Variants in CAMKMT observed in about 807,000 individuals in gnomAD.
CAMKMT encodes the protein CaM KMT.
In CAMKMT, 53 loss-of-function variants were observed where a neutral mutation model predicts 48.0. That is an observed-to-expected ratio of 1.10 (90% CI 0.89 to 1.39). The LOEUF is 1.39. Among genes scored for constraint, CAMKMT ranks in the 40% most tolerant of loss-of-function variants. The pLI is 0.00. For missense variants in CAMKMT, 428 were observed against 402.7 expected, an observed-to-expected ratio of 1.06 and a Z score of -0.54; for synonymous variants, 165 against 152.3, an observed-to-expected ratio of 1.08 and a Z score of -0.61.
intron 3 of CAMKMT, among the ~76,000 whole-genome samples, chr2:44,537,232 CT>C (rs1291273064): frequency 4.6e-5 from 7 of 152,114 alleles, no homozygotes; most frequent in Non-Finnish European, 5.9e-5. Flanking sequence ...GCATAACCTT[CT>C]GAATAGGAGA....
chr2:44,683,822 CAAAAAA>C (rs10644183), intron 3 of CAMKMT, among the ~76,000 whole-genome samples: 18 of 70,936 alleles, frequency 2.5e-4, no homozygotes, highest in Non-Finnish European at 3.8e-4. Flanking sequence ...GACTCTGTCT[CAAAAAA>C]AAAAAAAAAA....
chr2:44,731,259 T>C (rs1309563572), intron 7 of CAMKMT, among the ~76,000 whole-genome samples: 1 of 152,142 alleles, frequency 6.6e-6, no homozygotes, highest in Non-Finnish European at 1.5e-5. Flanking sequence ...GAGAATTGCT[T>C]GAACCCAGGG....
At chr2:44,765,859 G>A (rs2104405517) in intron 9 of CAMKMT, among the ~76,000 whole-genome samples, 1 of 152,296 alleles carries the variant, frequency 6.6e-6, no homozygotes. Flanking sequence ...CCAAGATCCT[G>A]GAGCCTGTAT....
intron 3 of CAMKMT, among the ~76,000 whole-genome samples, chr2:44,503,987 G>GAGAGAA (rs1670132871): frequency 6.6e-6 from 1 of 150,446 alleles, no homozygotes; most frequent in Non-Finnish European, 1.5e-5. Flanking sequence ...CGGGTGGGGA[G>GAGAGAA]AGAGAGAGAG....
intron 3 of CAMKMT, among the ~76,000 whole-genome samples, chr2:44,687,707 T>G (rs556585488): frequency 3.9e-5 from 6 of 152,376 alleles, no homozygotes; most frequent in Non-Finnish European, 8.8e-5. Flanking sequence ...AAACCAGGGA[T>G]TGGTTTTGAG....
intron 3 of CAMKMT, among the ~76,000 whole-genome samples, chr2:44,577,390 A>C (rs751170689): frequency 2.6e-5 from 4 of 152,174 alleles, no homozygotes; most frequent in Non-Finnish European, 4.4e-5. Context: ...AGGCCAAGGC[A>C]GGAAGATCGT....
chr2:44,714,457 AGAC>A (rs1471152817), intron 6 of CAMKMT, among the ~76,000 whole-genome samples: 2 of 152,192 alleles, frequency 1.3e-5, no homozygotes, highest in Non-Finnish European at 2.9e-5. Context: ...AAGTCTGTAA[AGAC>A]AGTTCTTCAG....
chr2:44,546,511 TA>T (rs1667419708), intron 3 of CAMKMT, among the ~76,000 whole-genome samples: 1 of 152,230 alleles, frequency 6.6e-6, no homozygotes, highest in South Asian at 2.1e-4. Flanking sequence ...TGACATTTGC[TA>T]ATGCTATTCC....
intron 9 of CAMKMT, among the ~76,000 whole-genome samples, chr2:44,765,168 C>T (rs1680784889): frequency 6.6e-6 from 1 of 151,964 alleles, no homozygotes; most frequent in African/African-American, 2.4e-5. Context: ...GCAGAGGTTC[C>T]AGTGAACCGA....
At chr2:44,701,259 G>A (rs984523689) in intron 3 of CAMKMT, among the ~76,000 whole-genome samples, 8 of 152,166 alleles carry the variant, frequency 5.3e-5, no homozygotes, top group African/African-American at 1.9e-4. Context: ...GTGCATCAGG[G>A]TTCCAATTTC....
At chr2:44,702,772 G>A (rs969421605) in intron 3 of CAMKMT, among the ~76,000 whole-genome samples, 1 of 152,200 alleles carries the variant, frequency 6.6e-6, no homozygotes, top group East Asian at 1.9e-4. Context: ...CTGAGGTAGT[G>A]TGTACACCTG....
intron 3 of CAMKMT, among the ~76,000 whole-genome samples, chr2:44,556,180 C>T (rs1667993939): frequency 6.6e-6 from 1 of 151,816 alleles, no homozygotes; most frequent in South Asian, 2.1e-4. Context: ...GCTCTGTCAC[C>T]CAGGCTGGAG....
intron 3 of CAMKMT, among the ~76,000 whole-genome samples, chr2:44,691,130 T>G (rs1305332361): frequency 6.6e-6 from 1 of 152,230 alleles, no homozygotes; most frequent in African/African-American, 2.4e-5. Flanking sequence ...AATGACTTGC[T>G]GAGGTCACAA....
chr2:44,527,273 T>C (rs1666177310), intron 3 of CAMKMT, among the ~76,000 whole-genome samples: 1 of 143,962 alleles, frequency 6.9e-6, no homozygotes. Context: ...ATATATATGT[T>C]ATATATATTA....
At chr2:44,509,594 T>A (rs1403593181) in intron 3 of CAMKMT, among the ~76,000 whole-genome samples, 1 of 152,146 alleles carries the variant, frequency 6.6e-6, no homozygotes, top group African/African-American at 2.4e-5. Context: ...AAAATAAGTA[T>A]AATTCCTGCT....
intron 3 of CAMKMT, among the ~76,000 whole-genome samples, chr2:44,445,645 GTTTTTTTTTTT>G (rs869258613): frequency 2.3e-4 from 23 of 101,422 alleles, no homozygotes; most frequent in East Asian, 8.6e-4. Flanking sequence ...CAAAAGGGTA[GTTTTTTTTTTT>G]TTTTTTTTTT....
intron 3 of CAMKMT, among the ~76,000 whole-genome samples, chr2:44,527,205 A>G (rs1254986153): frequency 1.4e-5 from 2 of 146,120 alleles, no homozygotes; most frequent in East Asian, 2.0e-4. Context: ...TGATCCTCCC[A>G]TCTCAGCCTC....
At chr2:44,667,978 G>A (rs1393322709) in intron 3 of CAMKMT, among the ~76,000 whole-genome samples, 3 of 152,070 alleles carry the variant, frequency 2.0e-5, no homozygotes, top group Non-Finnish European at 4.4e-5. Context: ...CACTTCAACA[G>A]TCCAGCTCTA....
chr2:44,372,652 T>C lies in CAMKMT; in HGVS notation c.139-64T>C, dbSNP rs1679295264. 2.7e-6 allele frequency: 4 copies of C among 1,484,926 alleles called. No individual in the cohort carries two copies. The South Asian group carries it at 5.2e-5, about 19-fold the overall frequency. The allele number at this position is 1,484,926 out of a possible 1,614,324, so 92.0% of individuals were successfully genotyped here. On this transcript the variant is annotated intron_variant, in intron 1 of 10. Transcript: ENST00000378494. The stretch of plus-strand genomic sequence containing the variant: ...CCCTTACCACTTAAATTTTGAACAT[T>C]TTGAACACTAAACTTACTATATGTT...
Sources: allele counts gnomAD v4.1 joint callset (sites outside exome capture counted in the v4.1 genomes callset), GRCh38; gene constraint gnomAD v4.1.1; transcripts MANE v1.5; gene names NCBI Gene and HGNC (gene_info 2026-07-23, HGNC 2026-07-21).